The following PLXDC2 variants were observed in gnomAD, a reference collection of about 807,000 sequenced individuals.
PLXDC2 encodes plexin domain containing 2, also known as plexin domain-containing protein 2.
A neutral mutation model predicts 68.9 loss-of-function variants in PLXDC2; 40 were observed. That is an observed-to-expected ratio of 0.58 (90% CI 0.45 to 0.76). PLXDC2 has a LOEUF of 0.76. PLXDC2 is among the 30% of genes least tolerant of loss of function. The probability of loss-of-function intolerance (pLI) is 0.00; values close to 1 mark genes in which losing one functional copy is unlikely to be tolerated. For missense variants in PLXDC2, 644 were observed against 661.9 expected, an observed-to-expected ratio of 0.97 and a Z score of 0.30; for synonymous variants, 243 against 234.2, an observed-to-expected ratio of 1.04 and a Z score of -0.34.
intron 1 of PLXDC2, among the ~76,000 whole-genome samples, chr10:19,884,094 G>T (rs1837794783): frequency 6.7e-6 from 1 of 149,146 alleles, no homozygotes; most frequent in Non-Finnish European, 1.5e-5. Context: ...ATGGGGTTTT[G>T]CCATGTTGGC....
intron 12 of PLXDC2, among the ~76,000 whole-genome samples, chr10:20,239,363 C>T (rs1345104555): frequency 6.6e-6 from 1 of 152,166 alleles, no homozygotes; most frequent in African/African-American, 2.4e-5. Flanking sequence ...CAAGAAGTCC[C>T]TGAGATTGAG....
At chr10:20,270,992 A>G (rs1835932768) in intron 13 of PLXDC2, among the ~76,000 whole-genome samples, 1 of 151,940 alleles carries the variant, frequency 6.6e-6, no homozygotes, top group Admixed American at 6.6e-5. Context: ...GTAAACAATC[A>G]GGTGAGAAAA....
chr10:19,930,792 A>G (rs1322662253), intron 1 of PLXDC2, among the ~76,000 whole-genome samples: 3 of 152,068 alleles, frequency 2.0e-5, no homozygotes, highest in South Asian at 2.1e-4. Context: ...GTGAAATCCC[A>G]TCTCTACTAA....
chr10:19,817,719 C>G (rs1380803450), intron 1 of PLXDC2, among the ~76,000 whole-genome samples: 1 of 152,118 alleles, frequency 6.6e-6, no homozygotes, highest in Non-Finnish European at 1.5e-5. Flanking sequence ...GCCAAGCGGG[C>G]GCTGGAAGGG....
At chr10:19,994,273 TTTTA>T (rs1178058517) in intron 1 of PLXDC2, among the ~76,000 whole-genome samples, 23 of 134,296 alleles carry the variant, frequency 1.7e-4, no homozygotes, top group Admixed American at 4.5e-4. Flanking sequence ...TTTTTTTTTT[TTTTA>T]ACCATTTTCT....
chr10:20,059,050 G>C (rs1323188049), intron 3 of PLXDC2, among the ~76,000 whole-genome samples: 1 of 152,170 alleles, frequency 6.6e-6, no homozygotes, highest in African/African-American at 2.4e-5. Context: ...TGCTAGAAAT[G>C]CAGGATTTCA....
chr10:20,068,344 A>G (rs1038300907), intron 4 of PLXDC2, 105 bp downstream of exon 4: 103 of 992,150 alleles, frequency 1.0e-4, no homozygotes, highest in African/African-American at 1.6e-5. Flanking sequence ...TGAGAAAACC[A>G]TTGTGTTTTA....
chr10:19,992,760 T>C (rs1376862923), intron 1 of PLXDC2, among the ~76,000 whole-genome samples: 1 of 152,196 alleles, frequency 6.6e-6, no homozygotes, highest in East Asian at 1.9e-4. Context: ...CAGCATTTCA[T>C]TTCCTTCTAT....
chr10:20,009,391 T>A (rs1475620366), intron 2 of PLXDC2, among the ~76,000 whole-genome samples: 1 of 152,134 alleles, frequency 6.6e-6, no homozygotes, highest in Non-Finnish European at 1.5e-5. Context: ...TGTGAAATAT[T>A]TCCTTTTGGG....
chr10:20,182,809 A>C (rs530274468), intron 9 of PLXDC2, among the ~76,000 whole-genome samples: 1 of 151,788 alleles, frequency 6.6e-6, no homozygotes, highest in Admixed American at 6.6e-5. Flanking sequence ...TAAGCCCTGC[A>C]TGCATTACAT....
At chr10:20,134,647 A>AC (rs1197925931) in intron 4 of PLXDC2, among the ~76,000 whole-genome samples, 1 of 152,124 alleles carries the variant, frequency 6.6e-6, no homozygotes, top group East Asian at 1.9e-4. Flanking sequence ...ATGGGAATCA[A>AC]CCTGGCACAA....
intron 4 of PLXDC2, among the ~76,000 whole-genome samples, chr10:20,107,021 A>G (rs1021898636): frequency 6.7e-6 from 1 of 148,876 alleles, no homozygotes; most frequent in African/African-American, 2.5e-5. Flanking sequence ...GTATACATAT[A>G]TATACACCAT....
At chr10:20,260,034 C>G (rs1835789840) in intron 13 of PLXDC2, among the ~76,000 whole-genome samples, 1 of 152,176 alleles carries the variant, frequency 6.6e-6, no homozygotes, top group African/African-American at 2.4e-5. Context: ...CCATCATTTA[C>G]TTAGCAGATA....
chr10:20,137,871 G>T (rs554729139), intron 4 of PLXDC2, among the ~76,000 whole-genome samples: 13 of 152,260 alleles, frequency 8.5e-5, no homozygotes, highest in African/African-American at 1.2e-4. Context: ...CAGATTTACT[G>T]CATGTCGACA....
intron 9 of PLXDC2, among the ~76,000 whole-genome samples, chr10:20,211,414 A>T (rs1185781388): frequency 6.6e-6 from 1 of 152,200 alleles, no homozygotes; most frequent in African/African-American, 2.4e-5. Flanking sequence ...TATTCCGTAC[A>T]GTGCAGTTTG....
In PLXDC2 at chr10:20,047,026, G is replaced by A; in HGVS notation, c.471+11G>A. The A allele has an allele frequency of 6.3e-7, 1 of 1,575,524 alleles. No individual in the cohort carries two copies. Among genetic ancestry groups the A allele is most frequent in the Non-Finnish European group, 8.6e-7 (1 of 1,161,620 alleles). ...CATCGGCAAGCTGCAGTAAGTGTTT[G>A]GACATTCAGGGTTCATTTTACCTAC... On this transcript the variant is annotated intron_variant, in intron 3 of 13. Transcript: ENST00000377252.
chr10:20,256,247 C>T (rs1365478051), intron 13 of PLXDC2, among the ~76,000 whole-genome samples: 1 of 151,970 alleles, frequency 6.6e-6, no homozygotes, highest in Non-Finnish European at 1.5e-5. Context: ...ATACTCCTGC[C>T]TCAGCCTCCC....
chr10:19,977,917 A>G (rs906391670), intron 1 of PLXDC2, among the ~76,000 whole-genome samples: 1 of 152,164 alleles, frequency 6.6e-6, no homozygotes, highest in Admixed American at 6.5e-5. Context: ...AAATGTAAAC[A>G]TTTAGTTAAT....
chr10:19,830,101 CAA>C (rs1415877831), intron 1 of PLXDC2, among the ~76,000 whole-genome samples: 2 of 152,104 alleles, frequency 1.3e-5, no homozygotes, highest in Non-Finnish European at 2.9e-5. Context: ...TATGGGTAAA[CAA>C]TGAGTGAAAT....
Sources: allele counts gnomAD v4.1 joint callset (sites outside exome capture counted in the v4.1 genomes callset), GRCh38; gene constraint gnomAD v4.1.1; transcripts MANE v1.5; gene names NCBI Gene and HGNC (gene_info 2026-07-23, HGNC 2026-07-21).